Variants in HHIP observed in about 807,000 individuals in gnomAD.
HHIP encodes the protein hedgehog-interacting protein.
A neutral mutation model predicts 74.0 loss-of-function variants in HHIP; 12 were observed. That is an observed-to-expected ratio of 0.16 (90% CI 0.10 to 0.26). HHIP has a LOEUF of 0.26. HHIP is among the 10% of genes least tolerant of loss of function. The probability of loss-of-function intolerance (pLI) is 1.00; values close to 1 mark genes in which losing one functional copy is unlikely to be tolerated. For missense variants in HHIP, 788 were observed against 845.0 expected (o/e 0.93, Z 0.84); for synonymous variants, 309 against 311.6 (o/e 0.99, Z 0.09).
At chr4:144,660,752 TGA>T (rs1445617387) in intron 4 of HHIP, among the ~76,000 whole-genome samples, 1 of 152,172 alleles carries the variant, frequency 6.6e-6, no homozygotes, top group Non-Finnish European at 1.5e-5. Context: ...TCTTATCGTG[TGA>T]GAGTTAAGAT....
At chr4:144,648,192 G>A (rs1728321476) in intron 1 of HHIP, 1 of 151,972 alleles carries the variant, frequency 6.6e-6, no homozygotes, top group Admixed American at 6.5e-5. Context: ...GACAAAAAGG[G>A]GTCGACTTAT....
chr4:144,700,868 T>G (rs1374699866), intron 4 of HHIP, among the ~76,000 whole-genome samples: 1 of 152,142 alleles, frequency 6.6e-6, no homozygotes, highest in Non-Finnish European at 1.5e-5. Flanking sequence ...CAATAGAAAA[T>G]GAATACAATC....
rs1242673841 is a variant in HHIP, at chr4:144,739,340, T to G, written c.*1383T>G. On this transcript the variant is annotated 3_prime_UTR_variant, in exon 13 of 13. Transcript: ENST00000296575. ...TGCACTAGTGAAAAAACACGTCTAC[T>G]CATGACAAGTGCACACCCACTATGG... is the stretch of plus-strand genomic sequence containing the variant. 6.6e-6 allele frequency: 1 copy of G among 152,240 alleles called. No individual in the cohort carries two copies. The highest frequency in any genetic ancestry group is 1.5e-5 in the Non-Finnish European group (1 of 68,044). 9.4% of individuals were successfully genotyped at this position (152,240 alleles called of 1,614,324 possible). A position where few individuals can be genotyped will look rare whatever the true frequency, so the allele number is the denominator to read the frequency against.
chr4:144,727,553 T>C (rs888965821), intron 11 of HHIP, among the ~76,000 whole-genome samples: 1 of 152,210 alleles, frequency 6.6e-6, no homozygotes, highest in Non-Finnish European at 1.5e-5. Flanking sequence ...TTTCTAAAGC[T>C]AGGATATTGC....
chr4:144,685,048 C>T (rs766572329), intron 4 of HHIP, among the ~76,000 whole-genome samples: 9 of 152,204 alleles, frequency 5.9e-5, no homozygotes, highest in Non-Finnish European at 1.0e-4. Flanking sequence ...AACTGTAGCA[C>T]TGCTCAACTT....
At chr4:144,714,845 G>T (rs1212665878) in intron 9 of HHIP, among the ~76,000 whole-genome samples, 1 of 152,134 alleles carries the variant, frequency 6.6e-6, no homozygotes, top group Non-Finnish European at 1.5e-5. Flanking sequence ...GTGGATAATT[G>T]TAAGAAACTC....
chr4:144,711,772 C>G (rs1277840936), intron 7 of HHIP, among the ~76,000 whole-genome samples, 178 bp from the exon 8 acceptor site: 2 of 152,168 alleles, frequency 1.3e-5, no homozygotes, highest in African/African-American at 4.8e-5. Context: ...GATTAAGCTT[C>G]AACCAAGTAA....
At chr4:144,701,479 T>C (rs1029700645) in intron 4 of HHIP, among the ~76,000 whole-genome samples, 6 of 152,152 alleles carry the variant, frequency 3.9e-5, no homozygotes, top group African/African-American at 1.4e-4. Flanking sequence ...TTGTTCATCC[T>C]CCTCAAAAAT....
chr4:144,672,996 T>A (rs764263312), intron 4 of HHIP, among the ~76,000 whole-genome samples: 1 of 152,162 alleles, frequency 6.6e-6, no homozygotes, highest in Non-Finnish European at 1.5e-5. Context: ...AGGGCCTGGC[T>A]CCGGCCCAAA....
At position 144,684,362 on chromosome 4, in the gene HHIP, C is replaced by CA. The variant is rs562057101; in HGVS notation, c.832-22168dup. On this transcript the variant is annotated intron_variant, in intron 4 of 12. Transcript: ENST00000296575. Reference sequence around the variant, plus strand: ...CAAGCTCTGCCTCCCGGGTTCACGCCATTCTCCTGCCTCAGCCTCCAGAGT... The same window carrying CA: ...CAAGCTCTGCCTCCCGGGTTCACGCCAATTCTCCTGCCTCAGCCTCCAGAGT... Among the ~76,000 whole-genome samples the CA allele has an allele frequency of 6.0e-3, 860 of 142,522 alleles. 3 individuals carry two copies. The highest frequency in any genetic ancestry group is 0.03 in the Middle Eastern group (8 of 264). 93.5% of individuals were successfully genotyped at this position (142,522 alleles called of 152,430 possible).
At chr4:144,670,603 C>T (rs1178209307) in intron 4 of HHIP, among the ~76,000 whole-genome samples, 1 of 150,802 alleles carries the variant, frequency 6.6e-6, no homozygotes, top group East Asian at 2.0e-4. Flanking sequence ...CACAAACTTT[C>T]ATAAAATGGC....
intron 4 of HHIP, among the ~76,000 whole-genome samples, chr4:144,661,990 G>A (rs770240523): frequency 2.0e-5 from 3 of 152,032 alleles, no homozygotes; most frequent in Admixed American, 6.5e-5. Flanking sequence ...ACCTCCACAC[G>A]TTTGAAATTG....
chr4:144,704,659 T>G (rs1373100920), intron 4 of HHIP, among the ~76,000 whole-genome samples: 1 of 152,248 alleles, frequency 6.6e-6, no homozygotes, highest in Non-Finnish European at 1.5e-5. Context: ...CAACAAAAGC[T>G]GCTTATGGTG....
Position 144,668,610 on chromosome 4 carries a change from G to T in HHIP, c.831+8772G>T, listed in dbSNP as rs1478883654. On this transcript the variant is annotated intron_variant, in intron 4 of 12. Transcript: ENST00000296575. ...TTACTAAAAATACAAAAATTAGCTG[G>T]GTGTGGGGGTGCACACCTGTAGTCC... Among the ~76,000 whole-genome samples, 6 of 151,932 alleles carry T rather than the reference G, an allele frequency of 3.9e-5. No homozygotes were observed. In the South Asian group the frequency reaches 8.3e-4, roughly 21 times the overall value.
intron 1 of HHIP, among the ~76,000 whole-genome samples, chr4:144,649,843 C>A (rs1228601367): frequency 2.0e-5 from 3 of 152,124 alleles, no homozygotes; most frequent in Admixed American, 2.0e-4. Context: ...AATAACTCAT[C>A]CTGGGGTCCC....
intron 12 of HHIP, among the ~76,000 whole-genome samples, chr4:144,735,396 AT>A (rs933193390): frequency 2.6e-5 from 4 of 151,966 alleles, no homozygotes; most frequent in East Asian, 1.9e-4. Flanking sequence ...ATATTATGAG[AT>A]TTTTTTTCAT....
In HHIP at chr4:144,715,511, C is replaced by T. The variant is rs1730424310; in HGVS notation, c.1678+81C>T. ...TTTGTTCTGCCCTGAAGAATAAATA[C>T]AGCAATCTTATCCTCTACTTGTTGG... On this transcript the variant is annotated intron_variant, in intron 10 of 12. Transcript: ENST00000296575. The T allele has an allele frequency of 4.5e-6, 6 of 1,340,018 alleles. No individual in the cohort carries two copies. In the Admixed American group the frequency reaches 5.7e-5, roughly 13 times the overall value. The allele number at this position is 1,340,018 out of a possible 1,614,324, so 83.0% of individuals were successfully genotyped here.
In HHIP at chr4:144,739,958, T is replaced by A. The variant is rs1418977622; in HGVS notation, c.*2001T>A. ...TGCTTTCTCTTCATAGCCCTTTTACTGAATTCCATCACAGAAAGTTTTACA... is the reference window on the plus strand; with the variant it reads ...TGCTTTCTCTTCATAGCCCTTTTACAGAATTCCATCACAGAAAGTTTTACA... On this transcript the variant is annotated 3_prime_UTR_variant, in exon 13 of 13. Coordinates refer to ENST00000296575, the MANE Select transcript of HHIP (RefSeq NM_022475.3). 1 of 152,136 alleles carries A rather than the reference T, an allele frequency of 6.6e-6. No individual in the cohort carries two copies. The highest frequency in any genetic ancestry group is 2.4e-5 in the African/African-American group (1 of 41,436). The allele number at this position is 152,136 out of a possible 1,614,324, so 9.4% of individuals were successfully genotyped here.
chr4:144,675,065 T>C (rs1439621851), intron 4 of HHIP, among the ~76,000 whole-genome samples: 2 of 152,218 alleles, frequency 1.3e-5, no homozygotes, highest in Admixed American at 6.5e-5. Context: ...AACCACAATT[T>C]TGTTGTTTAA....
Sources: gnomAD v4.1 joint callset for allele counts (sites outside exome capture counted in the v4.1 genomes callset) on GRCh38, gnomAD v4.1.1 for gene constraint, MANE v1.5 for transcripts, NCBI Gene and HGNC (gene_info 2026-07-23, HGNC 2026-07-21) for gene names.